ADARB1: variants seen among roughly 807,000 people sequenced by gnomAD.
The protein encoded by ADARB1 is adenosine deaminase RNA specific B1.
In ADARB1, 10 loss-of-function variants were observed where a neutral mutation model predicts 52.4. That is an observed-to-expected ratio of 0.19 (90% CI 0.12 to 0.32). The LOEUF is 0.32. Among genes scored for constraint, ADARB1 ranks in the 10% least tolerant of loss-of-function variants. The pLI is 1.00. For missense variants in ADARB1, 643 were observed against 922.3 expected (o/e 0.70, Z 3.92); for synonymous variants, 349 against 371.1 (o/e 0.94, Z 0.68).
chr21:45,145,727 A>C (rs1981651745), intron 2 of ADARB1: 1 of 152,244 alleles, frequency 6.6e-6, no homozygotes, highest in African/African-American at 2.4e-5. Context: ...AGAGCTCAAG[A>C]CAGGCACACA....
intron 1 of ADARB1, among the ~76,000 whole-genome samples, chr21:45,091,963 A>G (rs1320523200): frequency 2.0e-5 from 3 of 152,194 alleles, no homozygotes; most frequent in African/African-American, 7.2e-5. Context: ...TCAGTGTTTT[A>G]TTTTTAGTAA....
In ADARB1 at chr21:45,222,129, A is replaced by T. The variant is rs760544800; in HGVS notation, c.2038A>T (p.Ile680Phe). Reference sequence around the variant, plus strand: ...CAAGGCGCGTCTGTTCACAGCCTTCATCAAGGCGGGGCTGGGGGCCTGGGT... The same window carrying T: ...CAAGGCGCGTCTGTTCACAGCCTTCTTCAAGGCGGGGCTGGGGGCCTGGGT... ...AAKARLFTAF[I>F]KAGLGAWVEK... Residue 680 changes from isoleucine (I) to phenylalanine (F), a missense_variant, in exon 11 of 11, where the codon ATC (isoleucine) becomes TTC (phenylalanine). Coordinates refer to ENST00000348831, the MANE Select transcript of ADARB1 (RefSeq NM_001112.4). The T allele has an allele frequency of 2.4e-5, 39 of 1,611,928 alleles. No individual in the cohort carries two copies. Among genetic ancestry groups the T allele is most frequent in the South Asian group, 3.3e-5 (3 of 90,866 alleles).
Position 45,139,006 on chromosome 21 carries a change from C to T in ADARB1, c.-48+10433C>T, listed in dbSNP as rs934101484. Among the ~76,000 whole-genome samples, 114 of 151,898 alleles carry T rather than the reference C, an allele frequency of 7.5e-4. 2 individuals carry two copies. Among genetic ancestry groups the T allele is most frequent in the Admixed American group, 3.1e-3 (47 of 15,248 alleles). On this transcript the variant is annotated intron_variant, in intron 2 of 10. Transcript: ENST00000348831. ...CACAATCTTGGCTCACTGCAAGCTC[C>T]GCCTCTCGGGTTCAAGCGATTCACC...
rs772518113 is a variant in ADARB1 at position 45,176,410 on chromosome 21, G to A, written c.709G>A (p.Val237Met). 6.2e-6 allele frequency: 10 copies of A among 1,614,156 alleles called. No individual in the cohort carries two copies. Among genetic ancestry groups the A allele is most frequent in the South Asian group, 2.2e-5 (2 of 91,084 alleles). The stretch of plus-strand genomic sequence containing the variant: ...CCCACCCCCGAGTGGGAAGAATCCC[G>A]TGATGATCTTGAACGAACTGCGCCC... ...PFPPPSGKNPVMILNELRPGL... is the reference protein window; with the variant it reads ...PFPPPSGKNPMMILNELRPGL... Residue 237 changes from valine to methionine, a missense_variant, in exon 4 of 11, where the codon GTG becomes ATG. By Grantham distance (21) the Val-to-Met change is conservative (BLOSUM62 1). Transcript: ENST00000348831. This position sits in a 1 kb window ranked among gnomAD's most constrained non-coding sequence, Gnocchi z 5.8.
chr21:45,131,928 T>C (rs368244059), intron 2 of ADARB1, among the ~76,000 whole-genome samples: 15 of 152,180 alleles, frequency 9.9e-5, no homozygotes, highest in African/African-American at 3.6e-4. Flanking sequence ...CTCTTCTCTG[T>C]GTGGAGGTTC....
intron 2 of ADARB1, among the ~76,000 whole-genome samples, chr21:45,148,137 G>A (rs986270145): frequency 1.3e-5 from 2 of 152,178 alleles, no homozygotes; most frequent in East Asian, 1.9e-4. Flanking sequence ...TGCCCCAGAC[G>A]TGGGGGCAGC....
At position 45,176,541 on chromosome 21, in the gene ADARB1, CAAG is replaced by C; in HGVS notation, c.844_846del (p.Lys282del). On this transcript the variant is annotated inframe_deletion, in exon 4 of 11. Coordinates refer to ENST00000348831, the MANE Select transcript of ADARB1 (RefSeq NM_001112.4). This position sits in a 1 kb window ranked among gnomAD's most constrained non-coding sequence, Gnocchi z 5.8. ...AGTTCTTTGAAGGCTCGGGGAGAAA[CAAG>C]AAGCTTGCCAAGGCCCGGGCTGCGC... The C allele has an allele frequency of 6.2e-7, 1 of 1,614,204 alleles. No individual in the cohort carries two copies. Among genetic ancestry groups the C allele is most frequent in the Non-Finnish European group, 8.5e-7 (1 of 1,180,048 alleles).
At chr21:45,192,722 C>T (rs1325729116) in intron 8 of ADARB1, among the ~76,000 whole-genome samples, 5 of 152,010 alleles carry the variant, frequency 3.3e-5, no homozygotes, top group Non-Finnish European at 7.4e-5. Flanking sequence ...AGAGAGAAGA[C>T]AAAATTACCA....
intron 2 of ADARB1, among the ~76,000 whole-genome samples, chr21:45,131,597 T>TTGCTACCACCGGGCATCGCTGCCGCCTCC: frequency 6.6e-6 from 1 of 152,214 alleles, no homozygotes; most frequent in Admixed American, 6.5e-5. Flanking sequence ...TTGCTACCTG[T>TTGCTACCACCGGGCATCGCTGCCGCCTCC]TGCTACCACC....
At chr21:45,161,099 A>C (rs1189803039) in intron 2 of ADARB1, among the ~76,000 whole-genome samples, 1 of 152,134 alleles carries the variant, frequency 6.6e-6, no homozygotes. Flanking sequence ...AGTGTGGATG[A>C]GGCTGGTGAT....
chr21:45,085,679 G>A (rs1257945340), intron 1 of ADARB1, among the ~76,000 whole-genome samples: 1 of 152,120 alleles, frequency 6.6e-6, no homozygotes, highest in East Asian at 1.9e-4. Context: ...TGCACTTTTT[G>A]TTGTCACGTA....
In ADARB1 at chr21:45,202,855, T is replaced by C. The variant is rs539783877; in HGVS notation, c.1566-1700T>C. On this transcript the variant is annotated intron_variant, in intron 8 of 10. Coordinates refer to ENST00000348831, the MANE Select transcript of ADARB1 (RefSeq NM_001112.4). The stretch of plus-strand genomic sequence containing the variant: ...CCACACTGTGCTGAGCGTCTTCCCC[T>C]GCAGCCTGTGCCACACTGTGCTGAG... Among the ~76,000 whole-genome samples, 473 of 150,432 alleles carry C rather than the reference T, an allele frequency of 3.1e-3. 1 individual carries two copies. Among genetic ancestry groups the C allele is most frequent in the African/African-American group, 0.011 (445 of 40,702 alleles).
At chr21:45,101,667 A>T (rs17004735) in intron 1 of ADARB1, among the ~76,000 whole-genome samples, 4,189 of 152,274 alleles carry the variant, frequency 0.028, 85 homozygotes, top group Non-Finnish European at 0.042. Flanking sequence ...GTAGAGCTTT[A>T]ATATTTCTTT....
intron 8 of ADARB1, among the ~76,000 whole-genome samples, chr21:45,193,297 A>C (rs2092347789): frequency 6.6e-6 from 1 of 152,258 alleles, no homozygotes; most frequent in Non-Finnish European, 1.5e-5. Flanking sequence ...CCATATTAAC[A>C]AACTAAAAAA....
At position 45,093,666 on chromosome 21, in the gene ADARB1, C is replaced by T. The variant is rs918251116; in HGVS notation, c.-220+18873C>T. On this transcript the variant is annotated intron_variant, in intron 1 of 10. Transcript: ENST00000348831. ...GAGGAGGCATGGGTGCATCTTTTCT[C>T]CAGGGGGCTCCTCACCAGGGGTATG... 7.2e-5 allele frequency among the ~76,000 whole-genome samples: 11 copies of T among 152,162 alleles called. No individual in the cohort carries two copies. In the South Asian group the frequency reaches 1.0e-3, roughly 14 times the overall value.
intron 8 of ADARB1, among the ~76,000 whole-genome samples, chr21:45,192,225 G>A (rs1235410312): frequency 6.6e-6 from 1 of 152,126 alleles, no homozygotes; most frequent in Non-Finnish European, 1.5e-5. Context: ...TTTTACTATA[G>A]TAGAGCTACA....
intron 9 of ADARB1, among the ~76,000 whole-genome samples, chr21:45,219,297 G>A (rs1199799856): frequency 2.6e-5 from 4 of 152,238 alleles, no homozygotes; most frequent in South Asian, 2.1e-4. Flanking sequence ...AGGCCGAGGC[G>A]GGAAGATCAT....
intron 8 of ADARB1, among the ~76,000 whole-genome samples, chr21:45,198,792 A>C (rs2092485944): frequency 1.3e-5 from 2 of 152,262 alleles, no homozygotes; most frequent in Admixed American, 1.3e-4. Flanking sequence ...CATGTCATGG[A>C]AATACACATT....
chr21:45,161,849 C>G (rs557877575), intron 2 of ADARB1, among the ~76,000 whole-genome samples: 2 of 152,278 alleles, frequency 1.3e-5, no homozygotes, highest in East Asian at 1.9e-4. Context: ...CATAAAAACC[C>G]CCGGACTCAG....
Sources: allele counts gnomAD v4.1 joint callset (sites outside exome capture counted in the v4.1 genomes callset), GRCh38; gene constraint gnomAD v4.1.1; non-coding constraint Gnocchi (gnomAD v3.1); transcripts MANE v1.5; gene names NCBI Gene and HGNC (gene_info 2026-07-23, HGNC 2026-07-21).